MIB1: variants seen among roughly 807,000 people sequenced by gnomAD.
MIB1 encodes MIB E3 ubiquitin protein ligase 1.
MIB1 carries 278 observed loss-of-function variants against 124.5 expected under a neutral mutation model. That is an observed-to-expected ratio of 2.23 (90% CI 2.02 to 2.47). The LOEUF is 2.47. Ranked by LOEUF, MIB1 falls within the 30% of genes most tolerant of loss-of-function variation. The pLI, the probability that MIB1 is intolerant of heterozygous loss-of-function variation, is 0.00. For synonymous variants in MIB1, 446 were observed against 429.4 expected, an observed-to-expected ratio of 1.04 and a Z score of -0.48; for missense variants, 957 against 1,254.4, an observed-to-expected ratio of 0.76 and a Z score of 3.58.
At chr18:21,764,300 C>T (rs1037632612) in intron 1 of MIB1, among the ~76,000 whole-genome samples, 2 of 152,090 alleles carry the variant, frequency 1.3e-5, no homozygotes, top group Non-Finnish European at 2.9e-5. Context: ...CTTGCCCCTC[C>T]CCTCCCTTTC....
intron 18 of MIB1, among the ~76,000 whole-genome samples, chr18:21,855,156 G>A (rs2042215582): frequency 6.6e-6 from 1 of 152,212 alleles, no homozygotes; most frequent in Admixed American, 6.5e-5. Context: ...ATCCTAAGAA[G>A]TAGATGGTTT....
intron 6 of MIB1, among the ~76,000 whole-genome samples, chr18:21,781,479 T>C (rs1192190884): frequency 6.7e-6 from 1 of 149,320 alleles, no homozygotes; most frequent in Non-Finnish European, 1.5e-5. Flanking sequence ...AGTGGCACGA[T>C]GTCAGCTCAT....
At chr18:21,805,546 T>C (rs146397550) in intron 10 of MIB1, among the ~76,000 whole-genome samples, 41 of 152,240 alleles carry the variant, frequency 2.7e-4, no homozygotes, top group Middle Eastern at 3.4e-3. Flanking sequence ...TTTATTTTCT[T>C]ATTATTTTAG....
chr18:21,801,035 A>ATTTTTTTTTTTTTTTTTTTTTTTTTT, intron 9 of MIB1, among the ~76,000 whole-genome samples: 1 of 152,262 alleles, frequency 6.6e-6, no homozygotes, highest in African/African-American at 2.4e-5. Context: ...AGTACTAAAA[A>ATTTTTTTTTTTTTTTTTTTTTTTTTT]TTTAAAGGAA....
At chr18:21,815,458 CAG>C (rs2041821549) in intron 10 of MIB1, among the ~76,000 whole-genome samples, 156 bp from the exon 11 acceptor site, 1 of 152,184 alleles carries the variant, frequency 6.6e-6, no homozygotes, top group Non-Finnish European at 1.5e-5. Flanking sequence ...GCTGGGATTA[CAG>C]GCATGAGCCA....
At position 21,849,276 on chromosome 18, in the gene MIB1, T is replaced by C; in HGVS notation, c.2474T>C (p.Met825Thr). Residue 825 changes from methionine (M) to threonine (T), a missense_variant, in exon 17 of 21, where the codon ATG (methionine) becomes ACG (threonine). Physicochemically the swap from Met to Thr is moderately conservative, Grantham distance 81. Coordinates refer to ENST00000261537, the MANE Select transcript of MIB1 (RefSeq NM_020774.4). ...TLEECMVCSDMKRDTLFGPCG... is the reference protein window; with the variant it reads ...TLEECMVCSDTKRDTLFGPCG... ...GAAGAGTGTATGGTGTGCTCAGATA[T>C]GAAGAGAGATACTCTTTTTGGTCCA... 1 of 1,612,960 alleles carries C rather than the reference T, an allele frequency of 6.2e-7. No homozygotes were observed. Among genetic ancestry groups the C allele is most frequent in the Non-Finnish European group, 8.5e-7 (1 of 1,179,152 alleles).
chr18:21,833,967 T>C (rs1332537669), intron 12 of MIB1, among the ~76,000 whole-genome samples: 2 of 152,148 alleles, frequency 1.3e-5, no homozygotes, highest in Non-Finnish European at 2.9e-5. Flanking sequence ...TATACTATGC[T>C]CCACAGGTGA....
rs2042329512 is a variant in MIB1 at position 21,867,587 on chromosome 18, C to T, written c.*2921C>T. 6.6e-6 allele frequency: 1 copy of T among 152,526 alleles called. No individual in the cohort carries two copies. Among genetic ancestry groups the T allele is most frequent in the African/African-American group, 2.4e-5 (1 of 41,430 alleles). The allele number at this position is 152,526 out of a possible 1,614,324, so 9.4% of individuals were successfully genotyped here. A position where few individuals can be genotyped will look rare whatever the true frequency, so the allele number is the denominator to read the frequency against. The stretch of plus-strand genomic sequence containing the variant: ...CAAATTATGCATAAGATATTTGTAA[C>T]TTTAAACATTGCAAATTGACCAGCT... On this transcript the variant is annotated 3_prime_UTR_variant, in exon 21 of 21. Coordinates refer to ENST00000261537, the MANE Select transcript of MIB1 (RefSeq NM_020774.4).
intron 1 of MIB1, among the ~76,000 whole-genome samples, chr18:21,708,480 C>A (rs2017111): frequency 7.9e-4 from 120 of 152,150 alleles, no homozygotes; most frequent in South Asian, 2.1e-3. Flanking sequence ...ATCGTGAAAC[C>A]GCATCTCTCC....
intron 10 of MIB1, among the ~76,000 whole-genome samples, chr18:21,815,011 T>TTATATATATATATATATATA (rs60363843): frequency 2.8e-4 from 15 of 52,646 alleles, no homozygotes; most frequent in East Asian, 7.9e-4. Context: ...GCTGTTGGTT[T>TTATATATATATATATATATA]TATATATATA....
At position 21,865,404 on chromosome 18, in the gene MIB1, A is replaced by C. The variant is rs141988839; in HGVS notation, c.*738A>C. On this transcript the variant is annotated 3_prime_UTR_variant, in exon 21 of 21. Coordinates refer to ENST00000261537, the MANE Select transcript of MIB1 (RefSeq NM_020774.4). ...GTGGGCAACTGAAGAGAAAAAAAAA[A>C]CGAGTATCTATTAACTGGCCACTAA... 13 of 152,304 alleles carry C rather than the reference A, an allele frequency of 8.5e-5. No homozygotes were observed. The South Asian group carries it at 1.7e-3, about 19-fold the overall frequency. The allele number at this position is 152,304 out of a possible 1,614,324, so 9.4% of individuals were successfully genotyped here.
chr18:21,867,702 T>A lies in MIB1; in HGVS notation c.*3036T>A, dbSNP rs955645803. 3 of 152,578 alleles carry A rather than the reference T, an allele frequency of 2.0e-5. No individual in the cohort carries two copies. The highest frequency in any genetic ancestry group is 6.5e-5 in the Admixed American group (1 of 15,274). The allele number at this position is 152,578 out of a possible 1,614,324, so 9.5% of individuals were successfully genotyped here. A position where few individuals can be genotyped will look rare whatever the true frequency, so the allele number is the denominator to read the frequency against. Reference sequence around the variant, plus strand: ...TTATGGTGTTAGCCTGTAAGAGCATTTTAGCATATTGAAATGCATGCTGCT... The same window carrying A: ...TTATGGTGTTAGCCTGTAAGAGCATATTAGCATATTGAAATGCATGCTGCT... On this transcript the variant is annotated 3_prime_UTR_variant, in exon 21 of 21. Transcript: ENST00000261537.
chr18:21,749,090 A>G (rs1165584430), intron 1 of MIB1, among the ~76,000 whole-genome samples: 1 of 151,920 alleles, frequency 6.6e-6, no homozygotes, highest in African/African-American at 2.4e-5. Context: ...TTTACTGTAT[A>G]CATAGTTTGT....
intron 9 of MIB1, 148 bp from the exon 10 acceptor site, chr18:21,803,759 G>A: frequency 2.0e-6 from 1 of 504,558 alleles, no homozygotes. Context: ...GAAGTCTGTA[G>A]TTATCTGAAC....
chr18:21,762,111 C>T (rs1032485325), intron 1 of MIB1, among the ~76,000 whole-genome samples: 2 of 152,030 alleles, frequency 1.3e-5, no homozygotes, highest in Admixed American at 1.3e-4. Context: ...CAAATTGGCA[C>T]AGATTAAAAA....
At chr18:21,810,807 C>T (rs985469221) in intron 10 of MIB1, among the ~76,000 whole-genome samples, 2 of 151,994 alleles carry the variant, frequency 1.3e-5, no homozygotes, top group African/African-American at 4.8e-5. Flanking sequence ...GCAAAAACCT[C>T]ACAGCATTGT....
chr18:21,738,700 G>A (rs1188447643), upstream of MIB1, among the ~76,000 whole-genome samples: 8 of 150,862 alleles, frequency 5.3e-5, no homozygotes, highest in South Asian at 8.4e-4. Context: ...CCAGGTACTC[G>A]GGAGGCTGAG....
chr18:21,813,211 T>C (rs746148946), intron 10 of MIB1, among the ~76,000 whole-genome samples: 1 of 151,526 alleles, frequency 6.6e-6, no homozygotes, highest in African/African-American at 2.4e-5. Context: ...CAAAATAGGG[T>C]TAAAAACTGT....
chr18:21,784,974 G>A (rs1016357938), intron 6 of MIB1, among the ~76,000 whole-genome samples: 5 of 152,140 alleles, frequency 3.3e-5, no homozygotes, highest in Non-Finnish European at 7.4e-5. Flanking sequence ...TTCATGTTTC[G>A]CCCTGTACAC....
Sources: allele counts gnomAD v4.1 joint callset (sites outside exome capture counted in the v4.1 genomes callset), GRCh38; gene constraint gnomAD v4.1.1; transcripts MANE v1.5; gene names NCBI Gene and HGNC (gene_info 2026-07-23, HGNC 2026-07-21).